ANKS1B: variants seen among roughly 807,000 people sequenced by gnomAD.
ANKS1B encodes ankyrin repeat and sterile alpha motif domain containing 1B.
ANKS1B carries 36 observed loss-of-function variants against 148.3 expected under a neutral mutation model. The ratio of observed to expected loss-of-function variants is 0.24; its 90% confidence interval spans 0.19 to 0.32. ANKS1B has a LOEUF of 0.32. Among genes scored for constraint, ANKS1B ranks in the 10% least tolerant of loss-of-function variants. The pLI is 1.00. For missense variants in ANKS1B, 1,157 were observed against 1,542.6 expected (o/e 0.75, Z 4.19); for synonymous variants, 542 against 560.8 (o/e 0.97, Z 0.47).
intron 9 of ANKS1B, among the ~76,000 whole-genome samples, chr12:99,632,750 TATATATATATATA>T (rs2098178818): frequency 1.1e-4 from 12 of 112,432 alleles, no homozygotes; most frequent in African/African-American, 1.3e-4. Flanking sequence ...TATATATATA[TATATATATATATA>T]TATATTTTAA....
At position 99,076,418 on chromosome 12, in the gene ANKS1B, AAG is replaced by A. The variant is rs1438385709; in HGVS notation, c.2625+8505_2625+8506del. The stretch of plus-strand genomic sequence containing the variant: ...AATATTAGAAAAAGTAAGGAAAGTA[AAG>A]AGAGTATTGCGGCACAGAAACAGAA... On this transcript the variant is annotated intron_variant, in intron 16 of 26. Coordinates refer to ENST00000683438, the MANE Select transcript of ANKS1B (RefSeq NM_001352186.2). Among the ~76,000 whole-genome samples, 11 of 152,314 alleles carry A rather than the reference AAG, an allele frequency of 7.2e-5. 1 individual carries two copies. In the South Asian group the frequency reaches 2.3e-3, roughly 32 times the overall value.
intron 9 of ANKS1B, among the ~76,000 whole-genome samples, chr12:99,563,210 C>T (rs1245321638): frequency 6.6e-6 from 1 of 152,170 alleles, no homozygotes; most frequent in East Asian, 1.9e-4. Context: ...TGTAATAGCA[C>T]TTTTAATTTT....
chr12:99,148,023 G>A (rs1466250283), intron 15 of ANKS1B, among the ~76,000 whole-genome samples: 1 of 152,112 alleles, frequency 6.6e-6, no homozygotes, highest in Non-Finnish European at 1.5e-5. Flanking sequence ...GGTTAAGGAA[G>A]TGGTTGGAAG....
chr12:99,204,021 T>C (rs2082359388), intron 14 of ANKS1B, among the ~76,000 whole-genome samples: 1 of 152,200 alleles, frequency 6.6e-6, no homozygotes. Context: ...AATGCATATA[T>C]TAGTGGCTTA....
At chr12:99,097,919 G>A (rs2056735445) in intron 15 of ANKS1B, among the ~76,000 whole-genome samples, 1 of 152,132 alleles carries the variant, frequency 6.6e-6, no homozygotes, top group African/African-American at 2.4e-5. Flanking sequence ...CTTGCTTTGG[G>A]GGAAATGTCA....
chr12:99,649,175 C>A, intron 9 of ANKS1B: 1 of 833,726 alleles, frequency 1.2e-6, no homozygotes. Flanking sequence ...ACATTGGTGG[C>A]AACACAACAT....
At chr12:99,217,754 T>C (rs11835350) in intron 14 of ANKS1B, among the ~76,000 whole-genome samples, 10,817 of 152,194 alleles carry the variant, frequency 0.071, 1,264 homozygotes, top group African/African-American at 0.25. Flanking sequence ...TACTAATATA[T>C]GTAAGTTGTT....
At chr12:99,973,052 C>T (rs73147459) in intron 1 of ANKS1B, among the ~76,000 whole-genome samples, 2,926 of 152,214 alleles carry the variant, frequency 0.019, 35 homozygotes, top group South Asian at 0.047. Flanking sequence ...ACCTACCACT[C>T]ACAGAAAAAA....
At chr12:99,740,115 G>A (rs1254908545) in intron 8 of ANKS1B, among the ~76,000 whole-genome samples, 1 of 152,004 alleles carries the variant, frequency 6.6e-6, no homozygotes. Context: ...TTCAAGACCA[G>A]CCTGGGTAAC....
At chr12:99,984,025 T>C in intron 1 of ANKS1B, 79 bp downstream of exon 1, 1 of 1,278,182 alleles carries the variant, frequency 7.8e-7, no homozygotes, top group African/African-American at 1.5e-5. Flanking sequence ...CCAGGTGCAA[T>C]AACCGTGAGG....
intron 10 of ANKS1B, among the ~76,000 whole-genome samples, chr12:99,489,654 A>G (rs2096537085): frequency 6.6e-6 from 1 of 152,244 alleles, no homozygotes; most frequent in African/African-American, 2.4e-5. Context: ...AGTATGCTTC[A>G]GTTGAAATGA....
At chr12:99,061,214 T>C (rs968893069) in intron 16 of ANKS1B, among the ~76,000 whole-genome samples, 1 of 152,202 alleles carries the variant, frequency 6.6e-6, no homozygotes, top group African/African-American at 2.4e-5. Context: ...ATGAAAGTGT[T>C]GCATGTAACT....
Position 99,984,871 on chromosome 12 carries a change from C to T in ANKS1B, c.-634G>A, listed in dbSNP as rs558789919. Among the ~76,000 whole-genome samples the T allele has an allele frequency of 5.4e-4, 79 of 147,494 alleles. 1 individual carries two copies. The East Asian group carries it at 0.014, about 27-fold the overall frequency. On this transcript the variant is annotated 5_prime_UTR_variant, in exon 1 of 27. Transcript: ENST00000683438. Reference sequence around the variant, plus strand: ...GGGCGGCGGCGGCGGCGAGGCCTGGCGCGCGGGGGGCGTGTGCGCGCGGGC... The same window carrying T: ...GGGCGGCGGCGGCGGCGAGGCCTGGTGCGCGGGGGGCGTGTGCGCGCGGGC...
At chr12:99,792,125 C>T (rs921556587) in intron 4 of ANKS1B, among the ~76,000 whole-genome samples, 1 of 151,636 alleles carries the variant, frequency 6.6e-6, no homozygotes, top group African/African-American at 2.4e-5. Context: ...AACTACATAC[C>T]AATAAATGGA....
chr12:98,746,014 C>T, intron 26 of ANKS1B, 165 bp from the exon 27 acceptor site: 1 of 661,734 alleles, frequency 1.5e-6, no homozygotes, highest in Non-Finnish European at 2.4e-6. Flanking sequence ...ACATTTACCG[C>T]ATACCGACTC....
intron 17 of ANKS1B, among the ~76,000 whole-genome samples, chr12:99,008,096 GA>G (rs35733978): frequency 1.3e-5 from 2 of 152,096 alleles, no homozygotes. Flanking sequence ...ATTAAGTCCT[GA>G]AAAGGTATCT....
At chr12:99,910,693 G>A (rs2093977222) in intron 1 of ANKS1B, among the ~76,000 whole-genome samples, 1 of 151,136 alleles carries the variant, frequency 6.6e-6, no homozygotes, top group Admixed American at 6.7e-5. Flanking sequence ...TTAAATAGGT[G>A]AACATTATGA....
At chr12:99,223,476 T>C (rs1345599384) in intron 14 of ANKS1B, among the ~76,000 whole-genome samples, 1 of 149,984 alleles carries the variant, frequency 6.7e-6, no homozygotes, top group Non-Finnish European at 1.5e-5. Context: ...CATCTGGGGG[T>C]AATGGGAGAC....
chr12:99,654,188 G>T (rs2098439075), intron 9 of ANKS1B, among the ~76,000 whole-genome samples: 1 of 152,082 alleles, frequency 6.6e-6, no homozygotes, highest in South Asian at 2.1e-4. Context: ...TGAAATTTGA[G>T]GGGCTATGAT....
Sources: allele counts gnomAD v4.1 joint callset (sites outside exome capture counted in the v4.1 genomes callset), GRCh38; gene constraint gnomAD v4.1.1; transcripts MANE v1.5; gene names NCBI Gene and HGNC (gene_info 2026-07-23, HGNC 2026-07-21).